USP14: variants seen among roughly 807,000 people sequenced by gnomAD.
USP14 encodes ubiquitin carboxyl-terminal hydrolase 14.
Under a neutral mutation model 76.5 loss-of-function variants are expected in USP14, and 38 were observed. The ratio of observed to expected loss-of-function variants is 0.50; its 90% CI spans 0.38 to 0.65. The LOEUF (loss-of-function observed/expected upper bound fraction) is 0.65, where lower values mean the gene tolerates loss of function less well. Among genes scored for constraint, USP14 ranks in the 30% least tolerant of loss-of-function variants. USP14 has a pLI of 0.00. For synonymous variants in USP14, 192 were observed against 191.7 expected (o/e 1.00, Z -0.01); for missense variants, 467 against 586.5 (o/e 0.80, Z 2.10).
chr18:182,595 A>G (rs915362170), intron 5 of USP14, among the ~76,000 whole-genome samples: 4 of 152,210 alleles, frequency 2.6e-5, no homozygotes, highest in African/African-American at 9.6e-5. Context: ...AGTCTAATAG[A>G]GAAAGACTAT....
intron 6 of USP14, 69 bp from the exon 7 acceptor site, chr18:196,568 A>G (rs3016709): frequency 4.0e-6 from 6 of 1,504,780 alleles, no homozygotes; most frequent in Non-Finnish European, 4.5e-6. Flanking sequence ...ATTAATTAAA[A>G]TTAATTTACA....
intron 3 of USP14, among the ~76,000 whole-genome samples, chr18:177,907 T>G (rs1909671276): frequency 6.6e-6 from 1 of 152,218 alleles, no homozygotes; most frequent in South Asian, 2.1e-4. Context: ...TTGATATTTT[T>G]TAGTAATAGA....
Position 180,273 on chromosome 18 carries a change from C to G in USP14, c.338C>G (p.Thr113Ser). The stretch of plus-strand genomic sequence containing the variant: ...TGTGGATTGACAAACCTTGGTAACA[C>G]TTGTTACATGAATGCCACAGTTCAG... ...LPCGLTNLGN[T>S]CYMNATVQCI... The change falls in exon 5 of 16, where the codon ACT becomes AGT. Residue 113 changes from threonine to serine, a missense_variant. Physicochemically the swap from Thr to Ser is moderately conservative, Grantham distance 58 (BLOSUM62 1). Transcript: ENST00000261601. 3.2e-6 allele frequency: 5 copies of G among 1,566,492 alleles called. No individual in the cohort carries two copies. The highest frequency in any genetic ancestry group is 3.4e-6 in the Non-Finnish European group (4 of 1,164,650).
In USP14 at chr18:213,320, A is replaced by G. The variant is rs1367140308; in HGVS notation, c.*2036A>G. ...ATAAGCCTTGTATGGACTATATTAGAATTTTAAAAATTGTAATTAATTCCT... is the reference window on the plus strand; with the variant it reads ...ATAAGCCTTGTATGGACTATATTAGGATTTTAAAAATTGTAATTAATTCCT... On this transcript the variant is annotated 3_prime_UTR_variant, in exon 16 of 16. Transcript: ENST00000261601. 1 of 151,544 alleles carries G rather than the reference A, an allele frequency of 6.6e-6. No individual in the cohort carries two copies. The highest frequency in any genetic ancestry group is 1.5e-5 in the Non-Finnish European group (1 of 67,870). 9.4% of individuals were successfully genotyped at this position (151,544 alleles called of 1,614,324 possible). A position where few individuals can be genotyped will look rare whatever the true frequency, so the allele number is the denominator to read the frequency against.
At chr18:184,777 A>G (rs1294741532) in intron 5 of USP14, among the ~76,000 whole-genome samples, 2 of 152,170 alleles carry the variant, frequency 1.3e-5, no homozygotes, top group Non-Finnish European at 2.9e-5. Flanking sequence ...CAAAAAATAA[A>G]ATAAAATAAA....
Position 185,105 on chromosome 18 carries a change from C to T in USP14, c.404+4766C>T, listed in dbSNP as rs185103252. Reference sequence around the variant, plus strand: ...CTGGCAAGCCCCAGCTCTCAATATACACAGCGTTAACAGTTACTAGGTTGC... The same window carrying T: ...CTGGCAAGCCCCAGCTCTCAATATATACAGCGTTAACAGTTACTAGGTTGC... On this transcript the variant is annotated intron_variant, in intron 5 of 15. Coordinates refer to ENST00000261601, the MANE Select transcript of USP14 (RefSeq NM_005151.4). 4.4e-4 allele frequency among the ~76,000 whole-genome samples: 67 copies of T among 152,236 alleles called. 1 individual carries two copies. In the East Asian group the frequency reaches 0.011, roughly 25 times the overall value.
intron 10 of USP14, among the ~76,000 whole-genome samples, chr18:201,934 C>T (rs576299183): frequency 4.1e-4 from 62 of 152,124 alleles, no homozygotes; most frequent in Non-Finnish European, 8.1e-4. Flanking sequence ...AATTTGGCTT[C>T]GTTTCTCCAC....
chr18:194,078 T>G (rs1209448012), intron 6 of USP14, among the ~76,000 whole-genome samples: 1 of 152,236 alleles, frequency 6.6e-6, no homozygotes, highest in Admixed American at 6.5e-5. Context: ...TTTCTCTGTC[T>G]CCTTACCAGT....
intron 3 of USP14, among the ~76,000 whole-genome samples, chr18:178,343 T>C (rs964118736): frequency 6.6e-6 from 1 of 152,154 alleles, no homozygotes; most frequent in African/African-American, 2.4e-5. Flanking sequence ...AAGTTTGTTA[T>C]GGAGAGAGAT....
intron 5 of USP14, among the ~76,000 whole-genome samples, chr18:189,766 C>G (rs1231363320): frequency 6.6e-6 from 1 of 152,204 alleles, no homozygotes; most frequent in Admixed American, 6.5e-5. Context: ...AGGCAAGAGC[C>G]ACCATGCCTG....
At chr18:183,054 GTTTTTA>G (rs1160079915) in intron 5 of USP14, among the ~76,000 whole-genome samples, 2 of 152,120 alleles carry the variant, frequency 1.3e-5, no homozygotes, top group South Asian at 2.1e-4. Flanking sequence ...TTCTTCAACA[GTTTTTA>G]TTTTAATTTT....
At chr18:188,241 C>T (rs922052998) in intron 5 of USP14, among the ~76,000 whole-genome samples, 1 of 151,940 alleles carries the variant, frequency 6.6e-6, no homozygotes, top group Non-Finnish European at 1.5e-5. Flanking sequence ...AGTATCCCTC[C>T]ATTTGTTTAC....
At position 213,335 on chromosome 18, in the gene USP14, A is replaced by AATT. The variant is rs980350504; in HGVS notation, c.*2053_*2055dup. The AATT allele has an allele frequency of 2.7e-5, 4 of 146,642 alleles. No individual in the cohort carries two copies. The highest frequency in any genetic ancestry group is 6.1e-5 in the Non-Finnish European group (4 of 65,226). The allele number at this position is 146,642 out of a possible 1,614,324, so 9.1% of individuals were successfully genotyped here. ...ACTATATTAGAATTTTAAAAATTGT[A>AATT]ATTAATTCCTTATCATCATTATAAA... On this transcript the variant is annotated 3_prime_UTR_variant, in exon 16 of 16. Coordinates refer to ENST00000261601, the MANE Select transcript of USP14 (RefSeq NM_005151.4).
At chr18:196,609 C>CAA (rs752322220) in intron 6 of USP14, 28 bp from the exon 7 acceptor site, 2 of 1,582,142 alleles carry the variant, frequency 1.3e-6, no homozygotes, top group African/African-American at 2.7e-5. Context: ...GACTGTTTTA[C>CAA]TAAGGCAATG....
chr18:182,900 AG>A (rs1310419408), intron 5 of USP14, among the ~76,000 whole-genome samples: 1 of 152,210 alleles, frequency 6.6e-6, no homozygotes, highest in Non-Finnish European at 1.5e-5. Context: ...GGAGATTAGC[AG>A]GGGCCAGCCA....
intron 2 of USP14, among the ~76,000 whole-genome samples, chr18:165,669 C>T (rs1909250078): frequency 6.6e-6 from 1 of 152,194 alleles, no homozygotes; most frequent in Non-Finnish European, 1.5e-5. Flanking sequence ...CATAGTAAGG[C>T]ACCAAAAGAG....
intron 1 of USP14, 80 bp downstream of exon 1, chr18:158,794 C>T (rs1909027683): frequency 8.4e-6 from 11 of 1,315,830 alleles, no homozygotes; most frequent in South Asian, 2.2e-5. Flanking sequence ...CACGGGCGGG[C>T]ACCCGGCATG....
chr18:166,917 G>T, intron 3 of USP14, 98 bp downstream of exon 3: 1 of 1,028,704 alleles, frequency 9.7e-7, no homozygotes, highest in South Asian at 1.6e-5. Flanking sequence ...ATATCCAGTT[G>T]TTCCAGCACT....
intron 3 of USP14, among the ~76,000 whole-genome samples, chr18:176,017 A>G (rs1442270763): frequency 1.3e-5 from 2 of 152,070 alleles, no homozygotes; most frequent in African/African-American, 4.8e-5. Context: ...ATTGATTGTC[A>G]TATTCTACTG....
Sources: gnomAD v4.1 joint callset for allele counts (sites outside exome capture counted in the v4.1 genomes callset) on GRCh38, gnomAD v4.1.1 for gene constraint, MANE v1.5 for transcripts, NCBI Gene and HGNC (gene_info 2026-07-23, HGNC 2026-07-21) for gene names.